The following SLC35D2 variants were observed in gnomAD, a reference collection of about 807,000 sequenced individuals.
The protein encoded by SLC35D2 is nucleotide sugar transporter SLC35D2.
In SLC35D2, 43 loss-of-function variants were observed where a neutral mutation model predicts 41.8. The ratio of observed to expected loss-of-function variants is 1.03; its 90% CI spans 0.81 to 1.33. The LOEUF (loss-of-function observed/expected upper bound fraction) is 1.33, where lower values mean the gene tolerates loss of function less well. SLC35D2 is among the 40% of genes most tolerant of loss of function. The pLI is 0.00. For synonymous variants in SLC35D2, 150 were observed against 163.9 expected, an observed-to-expected ratio of 0.92 and a Z score of 0.65; for missense variants, 380 against 408.4, an observed-to-expected ratio of 0.93 and a Z score of 0.60.
Position 96,383,520 on chromosome 9 carries a change from A to C in SLC35D2, c.115T>G (p.Phe39Val). ...GCCTTGTTGACAAGCACGATGAGGA[A>C]GGAGCAGGTCCCGTAGAAGAGCGCC... ...LSALFYGTCS[F>V]LIVLVNKALL... Residue 39 changes from phenylalanine to valine, a missense_variant, in exon 1 of 12, where the codon TTC becomes GTC. Physicochemically the swap from Phe to Val is conservative, Grantham distance 50. Transcript: ENST00000253270. 11 of 1,534,690 alleles carry C rather than the reference A, an allele frequency of 7.2e-6. No homozygotes were observed. The highest frequency in any genetic ancestry group is 9.6e-6 in the Non-Finnish European group (11 of 1,140,362).
intron 4 of SLC35D2, among the ~76,000 whole-genome samples, chr9:96,354,766 C>CTAA (rs1829949720): frequency 2.1e-5 from 1 of 46,712 alleles, no homozygotes; most frequent in Non-Finnish European, 4.4e-5. Context: ...GACTCCATCT[C>CTAA]AAAAAAAAAA....
chr9:96,372,111 T>C (rs912198971), intron 1 of SLC35D2, among the ~76,000 whole-genome samples: 1 of 152,218 alleles, frequency 6.6e-6, no homozygotes, highest in Non-Finnish European at 1.5e-5. Context: ...ACCCGAGCTG[T>C]GGCCACTCCT....
At chr9:96,329,882 AG>A in intron 9 of SLC35D2, among the ~76,000 whole-genome samples, 1 of 152,344 alleles carries the variant, frequency 6.6e-6, no homozygotes, top group East Asian at 1.9e-4. Flanking sequence ...AGAACACACA[AG>A]TATAGATATA....
Position 96,340,688 on chromosome 9 carries a change from T to G in SLC35D2, c.684+3216A>C, listed in dbSNP as rs369459606. ...TTAACTCCATGACTTGACTTGTACTTTGTTATTTTATAGAAGGCCTTTTAT... is the reference window on the plus strand; with the variant it reads ...TTAACTCCATGACTTGACTTGTACTGTGTTATTTTATAGAAGGCCTTTTAT... On this transcript the variant is annotated intron_variant, in intron 8 of 11. Transcript: ENST00000253270. Among the ~76,000 whole-genome samples, 44 of 151,128 alleles carry G rather than the reference T, an allele frequency of 2.9e-4. No individual in the cohort carries two copies. The East Asian group carries it at 6.8e-3, about 23-fold the overall frequency.
chr9:96,323,996 AC>A, intron 10 of SLC35D2, 94 bp downstream of exon 10: 1 of 1,062,894 alleles, frequency 9.4e-7, no homozygotes, highest in Non-Finnish European at 1.5e-6. Flanking sequence ...TTCTTACACC[AC>A]CACCAACAAC....
At chr9:96,358,107 T>TATATATATATATATATAC (rs1564114171) in intron 4 of SLC35D2, among the ~76,000 whole-genome samples, 7 of 138,506 alleles carry the variant, frequency 5.1e-5, no homozygotes, top group African/African-American at 8.3e-5. Context: ...TATATATATA[T>TATATATATATATATATAC]ACCTGCAATG....
chr9:96,326,496 A>G (rs1828533687), intron 9 of SLC35D2, among the ~76,000 whole-genome samples: 1 of 150,700 alleles, frequency 6.6e-6, no homozygotes, highest in Admixed American at 6.6e-5. Context: ...GTTGAACTTT[A>G]AGGCTTAAGA....
intron 1 of SLC35D2, among the ~76,000 whole-genome samples, chr9:96,378,038 G>T (rs1347073780): frequency 6.6e-6 from 1 of 152,030 alleles, no homozygotes; most frequent in African/African-American, 2.4e-5. Context: ...CTTTTGGTTT[G>T]GGATACAGAA....
chr9:96,382,496 C>CACACACACACTA (rs200897475), intron 1 of SLC35D2, among the ~76,000 whole-genome samples: 14 of 127,910 alleles, frequency 1.1e-4, no homozygotes, highest in African/African-American at 3.5e-4. Flanking sequence ...CACACACACA[C>CACACACACACTA]TATATATATA....
Position 96,321,247 on chromosome 9 carries a change from T to A in SLC35D2, c.1009A>T (p.Ser337Cys). 3 of 1,612,152 alleles carry A rather than the reference T, an allele frequency of 1.9e-6. No homozygotes were observed. Among genetic ancestry groups the A allele is most frequent in the Non-Finnish European group, 2.5e-6 (3 of 1,178,260 alleles). Residue 337 changes from serine to cysteine, a missense_variant, in exon 12 of 12, where the codon AGC becomes TGC. Transcript: ENST00000253270. Reference protein sequence around the residue: ...GEENICLDLKS With the variant: ...GEENICLDLKC ...CCAATCCTGCTGCAGACTCTTTAGC[T>A]CTTCAAATCCAAACAGATGTTTTCT...
intron 2 of SLC35D2, among the ~76,000 whole-genome samples, chr9:96,367,221 A>G (rs1261309180): frequency 1.1e-5 from 1 of 89,992 alleles, no homozygotes; most frequent in Non-Finnish European, 2.1e-5. Flanking sequence ...CTCAGTCACA[A>G]AAAAAAAAAA....
chr9:96,372,574 CTTTTTTTTTT>C (rs71368250), intron 1 of SLC35D2, among the ~76,000 whole-genome samples: 3,170 of 90,172 alleles, frequency 0.035, 49 homozygotes, highest in Middle Eastern at 0.089. Flanking sequence ...TAAATAATTA[CTTTTTTTTTT>C]TTTTTTTTTT....
chr9:96,382,133 A>G (rs1831220028), intron 1 of SLC35D2, among the ~76,000 whole-genome samples: 1 of 152,114 alleles, frequency 6.6e-6, no homozygotes, highest in Non-Finnish European at 1.5e-5. Context: ...TATCTGTTGG[A>G]GGTACAACCA....
chr9:96,348,133 TC>T, intron 6 of SLC35D2, among the ~76,000 whole-genome samples: 1 of 152,320 alleles, frequency 6.6e-6, no homozygotes, highest in East Asian at 1.9e-4. Context: ...TTCCACAAGA[TC>T]CAAGAACCCT....
downstream of SLC35D2, among the ~76,000 whole-genome samples, chr9:96,319,655 G>A (rs540654420): frequency 9.2e-5 from 14 of 152,004 alleles, no homozygotes; most frequent in Non-Finnish European, 1.3e-4. Context: ...AGAGGTGTGC[G>A]CCACCATGCC....
chr9:96,383,671 C>T lies in SLC35D2; in HGVS notation c.-37G>A. On this transcript the variant is annotated 5_prime_UTR_variant, in exon 1 of 12. Coordinates refer to ENST00000253270, the MANE Select transcript of SLC35D2 (RefSeq NM_007001.3). ...CCGCGGACCCCGCCGCCCGCCAGCCCCGGCTGCGCACTGGTCCCGCCCGGC... is the reference window on the plus strand; with the variant it reads ...CCGCGGACCCCGCCGCCCGCCAGCCTCGGCTGCGCACTGGTCCCGCCCGGC... 1 of 1,004,034 alleles carries T rather than the reference C, an allele frequency of 1.0e-6. No homozygotes were observed. Among genetic ancestry groups the T allele is most frequent in the Non-Finnish European group, 1.2e-6 (1 of 843,632 alleles). The allele number at this position is 1,004,034 out of a possible 1,614,324, so 62.2% of individuals were successfully genotyped here.
chr9:96,318,098 T>A (rs1828101476), downstream of SLC35D2, among the ~76,000 whole-genome samples: 1 of 134,012 alleles, frequency 7.5e-6, no homozygotes, highest in African/African-American at 2.9e-5. Flanking sequence ...TTATTTTATC[T>A]TACTATTTGT....
intron 8 of SLC35D2, 70 bp downstream of exon 8, chr9:96,343,834 A>G: frequency 1.0e-6 from 1 of 965,822 alleles, no homozygotes. Context: ...GTTTCAGTGC[A>G]TATCAAATGT....
intron 9 of SLC35D2, among the ~76,000 whole-genome samples, chr9:96,329,015 G>A (rs969423816): frequency 1.3e-5 from 2 of 151,274 alleles, no homozygotes; most frequent in African/African-American, 4.9e-5. Context: ...TTGAACCCAG[G>A]AGGCGGAGGT....
Sources: allele counts gnomAD v4.1 joint callset (sites outside exome capture counted in the v4.1 genomes callset), GRCh38; gene constraint gnomAD v4.1.1; transcripts MANE v1.5; gene names NCBI Gene and HGNC (gene_info 2026-07-23, HGNC 2026-07-21).